Variants in GPM6B observed in about 807,000 individuals in gnomAD.
GPM6B encodes the protein glycoprotein M6B.
Under a neutral mutation model 27.2 loss-of-function variants are expected in GPM6B, and 4 were observed. The observed-to-expected ratio is 0.15, with a 90% CI of 0.07 to 0.34. The LOEUF (loss-of-function observed/expected upper bound fraction) is 0.34, where lower values mean the gene tolerates loss of function less well. Ranked by LOEUF, GPM6B falls within the 10% of genes least tolerant of loss-of-function variation. GPM6B has a pLI of 1.00. For missense variants in GPM6B, 183 were observed against 261.9 expected (o/e 0.70, Z 2.08); for synonymous variants, 124 against 103.1 (o/e 1.20, Z -1.23).
At chrX:13,846,336 A>T (rs1414587755) in intron 1 of GPM6B, among the ~76,000 whole-genome samples, 1 of 110,882 alleles carries the variant, frequency 9.0e-6, no homozygotes, top group Non-Finnish European at 1.9e-5. Context: ...TTGAACCAAA[A>T]ACCAGACTTA....
At chrX:13,843,737 G>C (rs765598936) in intron 1 of GPM6B, among the ~76,000 whole-genome samples, 8 of 112,105 alleles carry the variant, frequency 7.1e-5, no homozygotes, top group Non-Finnish European at 1.5e-4. Flanking sequence ...AAATTTTTTA[G>C]AGAAATGCCT....
intron 7 of GPM6B, among the ~76,000 whole-genome samples, chrX:13,775,586 G>C (rs983326985): frequency 7.1e-5 from 8 of 112,343 alleles, no homozygotes; most frequent in African/African-American, 1.9e-4. Flanking sequence ...CATTAGAGAA[G>C]CTTCATTCAG....
At chrX:13,833,360 A>G (rs1018918570) in intron 1 of GPM6B, among the ~76,000 whole-genome samples, 3 of 109,722 alleles carry the variant, frequency 2.7e-5, no homozygotes, top group African/African-American at 1.0e-4. Flanking sequence ...ATTTGATAAA[A>G]CCTCTTTCCA....
intron 1 of GPM6B, among the ~76,000 whole-genome samples, chrX:13,876,607 A>G (rs1189099286): frequency 8.9e-6 from 1 of 111,813 alleles, no homozygotes; most frequent in Non-Finnish European, 1.9e-5. Context: ...GGATGGATCC[A>G]GCCAGATGGT....
intron 2 of GPM6B, among the ~76,000 whole-genome samples, chrX:13,791,924 A>G (rs1603000358): frequency 9.0e-6 from 1 of 110,596 alleles, no homozygotes; most frequent in African/African-American, 3.3e-5. Context: ...ACCCCCCAAC[A>G]AACACCACAC....
chrX:13,827,363 G>A (rs1445676757), intron 1 of GPM6B, among the ~76,000 whole-genome samples: 2 of 101,702 alleles, frequency 2.0e-5, no homozygotes, highest in Non-Finnish European at 4.0e-5. Context: ...GATCACTGCA[G>A]CCTCAAACTC....
At chrX:13,844,124 A>C (rs73633579) in intron 1 of GPM6B, among the ~76,000 whole-genome samples, 2,572 of 112,021 alleles carry the variant, frequency 0.023, 75 homozygotes, top group South Asian at 0.23. Context: ...TGGATATCCA[A>C]TTGTCCCAGC....
intron 1 of GPM6B, among the ~76,000 whole-genome samples, chrX:13,936,212 TA>T (rs962310846): frequency 1.8e-5 from 2 of 112,250 alleles, no homozygotes; most frequent in Admixed American, 1.9e-4. Context: ...CTTAAGGCTA[TA>T]AAAAAACTGG....
At chrX:13,831,729 A>T (rs753290221) in intron 1 of GPM6B, among the ~76,000 whole-genome samples, 1 of 111,876 alleles carries the variant, frequency 8.9e-6, no homozygotes, top group East Asian at 2.8e-4. Context: ...CTCAGCCTTG[A>T]TCTTACTAAC....
intron 2 of GPM6B, among the ~76,000 whole-genome samples, chrX:13,786,974 A>AAC (rs928338269): frequency 1.0e-5 from 1 of 99,450 alleles, no homozygotes; most frequent in Non-Finnish European, 2.0e-5. Flanking sequence ...TTGAACTTTA[A>AAC]ACGCATTATG....
chrX:13,892,452 C>T lies in GPM6B; in HGVS notation c.-198+45875G>A, dbSNP rs1240261205. Reference sequence around the variant, plus strand: ...TTACTTTTGCACCAACCTAATACAACACACACAATCAATTTCTGTCCATGC... The same window carrying T: ...TTACTTTTGCACCAACCTAATACAATACACACAATCAATTTCTGTCCATGC... On this transcript the variant is annotated intron_variant, in intron 1 of 6. Transcript: ENST00000398361. Among the ~76,000 whole-genome samples, 4 of 112,273 alleles carry T rather than the reference C, an allele frequency of 3.6e-5. No individual in the cohort carries two copies. The Admixed American group carries it at 3.8e-4, about 11-fold the overall frequency.
intron 1 of GPM6B, among the ~76,000 whole-genome samples, chrX:13,833,704 G>A (rs1475246897): frequency 9.0e-6 from 1 of 111,699 alleles, no homozygotes; most frequent in Non-Finnish European, 1.9e-5. Flanking sequence ...TCCAGCCTGG[G>A]TGACAAAGAG....
intron 1 of GPM6B, among the ~76,000 whole-genome samples, chrX:13,838,059 C>T (rs1172281735): frequency 9.3e-6 from 1 of 107,997 alleles, no homozygotes; most frequent in Non-Finnish European, 1.9e-5. Flanking sequence ...TAGTAAGGGG[C>T]AATCTTCAGA....
intron 1 of GPM6B, among the ~76,000 whole-genome samples, chrX:13,912,713 A>C (rs1170028309): frequency 8.9e-6 from 1 of 112,548 alleles, no homozygotes; most frequent in Non-Finnish European, 1.9e-5. Flanking sequence ...GAGGGCAGGA[A>C]TTCCTACTTT....
At chrX:13,854,060 C>G (rs1603082885) in intron 1 of GPM6B, among the ~76,000 whole-genome samples, 1 of 111,457 alleles carries the variant, frequency 9.0e-6, no homozygotes, top group Non-Finnish European at 1.9e-5. Context: ...GGTAGGCTAG[C>G]CAGCTGGTTT....
At chrX:13,938,436 G>A, upstream of GPM6B, 1 of 632,264 alleles carries the variant, frequency 1.6e-6, no homozygotes, top group Non-Finnish European at 2.1e-6. Context: ...CGGGACCCTC[G>A]GAAGGGCGCG....
intron 1 of GPM6B, among the ~76,000 whole-genome samples, chrX:13,891,348 T>TA (rs2050186653): frequency 9.0e-6 from 1 of 111,112 alleles, no homozygotes; most frequent in Non-Finnish European, 1.9e-5. Context: ...CTGGAATTCA[T>TA]AAAAAATAGT....
chrX:13,811,699 G>A (rs372628477), intron 1 of GPM6B, among the ~76,000 whole-genome samples: 1 of 111,955 alleles, frequency 8.9e-6, no homozygotes, highest in Admixed American at 9.4e-5. Flanking sequence ...TGACCTTTAC[G>A]GAAAAAGTGT....
At chrX:13,799,190 ATTTTTTTTTTTTTTTTTTTTT>A (rs763194245) in intron 2 of GPM6B, among the ~76,000 whole-genome samples, 16 of 35,966 alleles carry the variant, frequency 4.4e-4, no homozygotes, top group Non-Finnish European at 6.5e-4. Flanking sequence ...AGCCAACCTA[ATTTTTTTTTTTTTTTTTTTTT>A]TTTTTTTTTT....
Sources: allele counts gnomAD v4.1 joint callset (sites outside exome capture counted in the v4.1 genomes callset), GRCh38; gene constraint gnomAD v4.1.1; transcripts MANE v1.5; gene names NCBI Gene and HGNC (gene_info 2026-07-23, HGNC 2026-07-21).